ESRRG: variants seen among roughly 807,000 people sequenced by gnomAD.
ESRRG encodes estrogen-related receptor gamma.
ESRRG carries 13 observed loss-of-function variants against 44.0 expected under a neutral mutation model. That is an observed-to-expected ratio of 0.30 (90% CI 0.19 to 0.47). The LOEUF is 0.47. ESRRG is among the 20% of genes least tolerant of loss of function. The pLI, the probability that ESRRG is intolerant of heterozygous loss-of-function variation, is 1.00. For synonymous variants in ESRRG, 215 were observed against 214.6 expected, an observed-to-expected ratio of 1.00 and a Z score of -0.02; for missense variants, 395 against 580.6, an observed-to-expected ratio of 0.68 and a Z score of 3.29.
intron 1 of ESRRG, among the ~76,000 whole-genome samples, chr1:217,132,160 T>C (rs2092975530): frequency 6.6e-6 from 1 of 152,174 alleles, no homozygotes; most frequent in African/African-American, 2.4e-5. Context: ...TCAGTAATTT[T>C]ATTTTTTTAA....
chr1:216,838,746 C>T (rs1020691485), intron 2 of ESRRG, among the ~76,000 whole-genome samples: 1 of 152,116 alleles, frequency 6.6e-6, no homozygotes, highest in Non-Finnish European at 1.5e-5. Flanking sequence ...TTTGGTTTTC[C>T]AGTGCATTTA....
chr1:216,528,642 AC>A (rs1265726820), intron 5 of ESRRG, among the ~76,000 whole-genome samples: 5 of 152,102 alleles, frequency 3.3e-5, no homozygotes, highest in African/African-American at 1.2e-4. Context: ...TACTTTTTTA[AC>A]GTAAATTTTT....
intron 2 of ESRRG, among the ~76,000 whole-genome samples, chr1:216,655,221 G>C (rs914930441): frequency 6.6e-6 from 1 of 152,166 alleles, no homozygotes; most frequent in African/African-American, 2.4e-5. Flanking sequence ...GCTAATCAAT[G>C]AGCCAGGAGT....
chr1:216,914,999 A>C (rs2576269), intron 2 of ESRRG, among the ~76,000 whole-genome samples: 98,073 of 152,052 alleles, frequency 0.64, 31,930 homozygotes, highest in East Asian at 0.88. Context: ...AGTTGAAGAA[A>C]CTGGAGGGAG....
intron 3 of ESRRG, among the ~76,000 whole-genome samples, chr1:216,641,437 T>C (rs2066403216): frequency 6.6e-6 from 1 of 152,236 alleles, no homozygotes; most frequent in Admixed American, 6.5e-5. Context: ...AATTTTCCCC[T>C]TTTATATAAT....
intron 3 of ESRRG, among the ~76,000 whole-genome samples, chr1:216,579,302 C>A (rs1419789095): frequency 6.6e-6 from 1 of 152,056 alleles, no homozygotes; most frequent in African/African-American, 2.4e-5. Flanking sequence ...GGATCCACTC[C>A]AGATTCACAT....
intron 1 of ESRRG, among the ~76,000 whole-genome samples, chr1:216,720,665 T>TAATTAGTATAGATTTTAAAAA (rs2086054233): frequency 6.6e-6 from 1 of 152,148 alleles, no homozygotes; most frequent in African/African-American, 2.4e-5. Context: ...TCTTGTTTTT[T>TAATTAGTATAGATTTTAAAAA]AATTAGTATA....
intron 2 of ESRRG, among the ~76,000 whole-genome samples, chr1:216,898,482 G>T (rs531493509): frequency 1.2e-3 from 177 of 152,204 alleles, no homozygotes; most frequent in African/African-American, 4.1e-3. Context: ...GCTGGGCGTG[G>T]TGGTGGGTGC....
intron 2 of ESRRG, among the ~76,000 whole-genome samples, chr1:216,750,767 TA>T (rs398103697): frequency 3.3e-5 from 5 of 150,886 alleles, no homozygotes; most frequent in African/African-American, 1.2e-4. Context: ...TACCTTTTTT[TA>T]AAAAAAAACT....
At chr1:216,722,823 T>C (rs2086643715) in intron 1 of ESRRG, among the ~76,000 whole-genome samples, 1 of 152,232 alleles carries the variant, frequency 6.6e-6, no homozygotes, top group African/African-American at 2.4e-5. Flanking sequence ...TGAAAATATC[T>C]GTCAAACTGC....
At chr1:217,128,233 AT>A (rs1383801366) in intron 1 of ESRRG, among the ~76,000 whole-genome samples, 1 of 152,254 alleles carries the variant, frequency 6.6e-6, no homozygotes, top group Non-Finnish European at 1.5e-5. Flanking sequence ...AAACCACTGC[AT>A]TCGTTGTTTT....
At chr1:217,010,585 C>T (rs1316319773) in intron 1 of ESRRG, among the ~76,000 whole-genome samples, 1 of 152,180 alleles carries the variant, frequency 6.6e-6, no homozygotes, top group Non-Finnish European at 1.5e-5. Context: ...ATATGCCATG[C>T]ATCAAGCAAT....
At chr1:217,105,324 T>G (rs905204650) in intron 1 of ESRRG, among the ~76,000 whole-genome samples, 1 of 152,196 alleles carries the variant, frequency 6.6e-6, no homozygotes, top group Non-Finnish European at 1.5e-5. Flanking sequence ...ATGTGCTAAG[T>G]CCTTCATTAT....
At chr1:216,924,709 A>G (rs1176900540) in intron 2 of ESRRG, among the ~76,000 whole-genome samples, 1 of 152,112 alleles carries the variant, frequency 6.6e-6, no homozygotes, top group African/African-American at 2.4e-5. Flanking sequence ...GGCTCATGTC[A>G]TGGCTTTTTG....
chr1:216,916,327 G>T (rs550160559), intron 2 of ESRRG, among the ~76,000 whole-genome samples: 3 of 152,134 alleles, frequency 2.0e-5, no homozygotes, highest in Admixed American at 6.5e-5. Context: ...TCATGTCACC[G>T]TTCATCATGC....
At chr1:217,057,038 T>A (rs1393600057) in intron 1 of ESRRG, among the ~76,000 whole-genome samples, 3 of 152,082 alleles carry the variant, frequency 2.0e-5, no homozygotes, top group Non-Finnish European at 4.4e-5. Flanking sequence ...CTGAGGGAGA[T>A]GGAGCAGTTT....
At chr1:216,993,748 G>A (rs1579202028) in intron 1 of ESRRG, among the ~76,000 whole-genome samples, 1 of 152,078 alleles carries the variant, frequency 6.6e-6, no homozygotes, top group Admixed American at 6.5e-5. Context: ...AAAAATATTG[G>A]GTAGAGATTG....
At chr1:216,663,589 T>C (rs2073105356) in intron 2 of ESRRG, among the ~76,000 whole-genome samples, 1 of 152,032 alleles carries the variant, frequency 6.6e-6, no homozygotes, top group Non-Finnish European at 1.5e-5. Flanking sequence ...CAGCAACTTT[T>C]TGTTAAAAAT....
intron 2 of ESRRG, among the ~76,000 whole-genome samples, chr1:216,763,362 A>C (rs766101454): frequency 5.3e-5 from 8 of 151,920 alleles, no homozygotes; most frequent in Non-Finnish European, 1.2e-4. Context: ...CAAAAAACAA[A>C]CTCCTTTGCT....
Sources: gnomAD v4.1 joint callset for allele counts (sites outside exome capture counted in the v4.1 genomes callset) on GRCh38, gnomAD v4.1.1 for gene constraint, MANE v1.5 for transcripts, NCBI Gene and HGNC (gene_info 2026-07-23, HGNC 2026-07-21) for gene names.